ANO1: variants seen among roughly 807,000 people sequenced by gnomAD.
The protein encoded by ANO1 is anoctamin 1.
ANO1 carries 59 observed loss-of-function variants against 124.0 expected under a neutral mutation model. That is an observed-to-expected ratio of 0.48 (90% confidence interval 0.39 to 0.59). The LOEUF is 0.59. Ranked by LOEUF, ANO1 falls within the 20% of genes least tolerant of loss-of-function variation. The pLI, the probability that ANO1 is intolerant of heterozygous loss-of-function variation, is 0.00. For missense variants in ANO1, 1,059 were observed against 1,328.0 expected (o/e 0.80, Z 3.15); for synonymous variants, 529 against 532.0 (o/e 0.99, Z 0.08).
Position 70,182,502 on chromosome 11 carries a change from G to GC in ANO1, c.2406dup (p.Phe803LeufsTer8). On this transcript the variant is annotated frameshift_variant and splice_region_variant, in exon 24 of 26. Transcript: ENST00000355303. LOFTEE classifies it high-confidence loss of function. ...CCTCACTGCCATGTCCCCTGCACAG[G>GC]CCTTCGTGATCTCCTTCACGTCTGA... 6.4e-7 allele frequency: 1 copy of GC among 1,572,972 alleles called. No homozygotes were observed. Among genetic ancestry groups the GC allele is most frequent in the South Asian group, 1.2e-5 (1 of 83,960 alleles).
chr11:70,180,375 C>T (rs1462293539), intron 23 of ANO1, among the ~76,000 whole-genome samples: 8 of 152,124 alleles, frequency 5.3e-5, no homozygotes, highest in African/African-American at 1.9e-4. Flanking sequence ...CAGGTTCAAG[C>T]TATTCTCGTG....
At chr11:70,001,485 C>T (rs1246831865) in intron 1 of ANO1, among the ~76,000 whole-genome samples, 3 of 152,150 alleles carry the variant, frequency 2.0e-5, no homozygotes, top group Non-Finnish European at 4.4e-5. Context: ...CCATGCTGCC[C>T]TCTACAGCAA....
intron 1 of ANO1, among the ~76,000 whole-genome samples, chr11:70,046,603 G>A (rs565822088): frequency 3.9e-4 from 60 of 152,130 alleles, no homozygotes; most frequent in East Asian, 9.6e-4. Flanking sequence ...GTCCCAGGGC[G>A]AGAAAGGACT....
chr11:70,160,169 C>G (rs2047988011), intron 16 of ANO1, among the ~76,000 whole-genome samples: 2 of 152,274 alleles, frequency 1.3e-5, no homozygotes, highest in Non-Finnish European at 2.9e-5. Context: ...CCTCTGCACC[C>G]TTGCATGGGA....
intron 1 of ANO1, among the ~76,000 whole-genome samples, chr11:70,040,339 C>T (rs1857164065): frequency 6.6e-6 from 1 of 152,142 alleles, no homozygotes; most frequent in South Asian, 2.1e-4. Flanking sequence ...ACTTTTTAGA[C>T]AGGTTGAGAG....
chr11:70,111,588 G>A, intron 6 of ANO1, 119 bp from the exon 7 acceptor site: 3 of 948,556 alleles, frequency 3.2e-6, no homozygotes, highest in Non-Finnish European at 5.1e-6. Context: ...GCGTAGTCAG[G>A]TTCGTTTCAT....
intron 1 of ANO1, among the ~76,000 whole-genome samples, chr11:70,055,102 T>C (rs569176000): frequency 3.3e-4 from 50 of 152,326 alleles, no homozygotes; most frequent in African/African-American, 1.2e-3. Flanking sequence ...TTGTTTCTGT[T>C]GTTATCAGAG....
chr11:70,131,854 G>C, intron 10 of ANO1, 65 bp from the exon 11 acceptor site: 1 of 1,535,992 alleles, frequency 6.5e-7, no homozygotes, highest in South Asian at 1.2e-5. Flanking sequence ...AGGCCAGCTC[G>C]GCACCCAGGA....
At chr11:70,127,939 C>T (rs1158680766) in intron 10 of ANO1, among the ~76,000 whole-genome samples, 1 of 152,226 alleles carries the variant, frequency 6.6e-6, no homozygotes, top group East Asian at 1.9e-4. Flanking sequence ...CTCCAAGTCT[C>T]AGAAAAGCCC....
chr11:69,991,436 G>A (rs1856152710), intron 1 of ANO1, among the ~76,000 whole-genome samples: 1 of 152,200 alleles, frequency 6.6e-6, no homozygotes, highest in African/African-American at 2.4e-5. Context: ...GGGTAGGAAT[G>A]ACCCATCTAG....
chr11:69,976,551 A>AGG, the ANO1 span, among the ~76,000 whole-genome samples: 1 of 82,386 alleles, frequency 1.2e-5, no homozygotes, highest in East Asian at 4.1e-4. Flanking sequence ...AAAAAAAAAA[A>AGG]AAAGAGAGAG....
chr11:70,015,522 A>C (rs1361605932), intron 1 of ANO1, among the ~76,000 whole-genome samples: 1 of 152,070 alleles, frequency 6.6e-6, no homozygotes, highest in Non-Finnish European at 1.5e-5. Context: ...CCTGTTCTTG[A>C]TGTGTCTGAG....
At chr11:70,073,504 T>C (rs1325129189), upstream of ANO1, among the ~76,000 whole-genome samples, 2 of 152,002 alleles carry the variant, frequency 1.3e-5, no homozygotes, top group African/African-American at 4.8e-5. Context: ...TAAACATAAA[T>C]GGGGAACATC....
At chr11:70,006,971 A>G (rs567462760) in intron 1 of ANO1, among the ~76,000 whole-genome samples, 119 of 151,994 alleles carry the variant, frequency 7.8e-4, no homozygotes, top group African/African-American at 2.8e-3. Flanking sequence ...CACCCGGCCC[A>G]TTTTAATCAT....
At chr11:69,984,893 C>G (rs1189955596), upstream of ANO1, among the ~76,000 whole-genome samples, 2 of 152,208 alleles carry the variant, frequency 1.3e-5, no homozygotes, top group African/African-American at 4.8e-5. Flanking sequence ...CCTGTGGTCA[C>G]GGAGCCACTT....
chr11:70,117,096 CTTTCTTT>C lies in ANO1; in HGVS notation c.897+601_897+607del, dbSNP rs1213625628. Among the ~76,000 whole-genome samples the C allele has an allele frequency of 5.9e-4, 45 of 75,942 alleles. 1 individual carries two copies. Among genetic ancestry groups the C allele is most frequent in the African/African-American group, 2.1e-3 (43 of 20,946 alleles). 49.8% of individuals were successfully genotyped at this position (75,942 alleles called of 152,430 possible). ...CCCCTTTATTCTTTTTTCTTTGTTTCTTTCTTTTTTTTTTTTTTTTTTTTTTGAGTTG... is the reference window on the plus strand; with the variant it reads ...CCCCTTTATTCTTTTTTCTTTGTTTCTTTTTTTTTTTTTTTTTTTGAGTTG... On this transcript the variant is annotated intron_variant, in intron 8 of 25. Transcript: ENST00000355303.
the ANO1 span, among the ~76,000 whole-genome samples, chr11:69,975,838 C>T: frequency 3.9e-5 from 6 of 152,312 alleles, no homozygotes; most frequent in East Asian, 5.8e-4. Flanking sequence ...GGTAGGAGCA[C>T]GGCAGTTGAA....
chr11:70,034,727 C>T (rs1280916342), intron 1 of ANO1, among the ~76,000 whole-genome samples: 1 of 152,114 alleles, frequency 6.6e-6, no homozygotes, highest in Non-Finnish European at 1.5e-5. Context: ...AGCTAAGGCA[C>T]TCTTCCCAAA....
chr11:69,982,550 A>G (rs1855968429), upstream of ANO1, among the ~76,000 whole-genome samples: 2 of 152,240 alleles, frequency 1.3e-5, no homozygotes, highest in South Asian at 2.1e-4. Context: ...TCCCTACAGC[A>G]TGTCAGGTTT....
Sources: allele counts gnomAD v4.1 joint callset (sites outside exome capture counted in the v4.1 genomes callset), GRCh38; gene constraint gnomAD v4.1.1; transcripts MANE v1.5; gene names NCBI Gene and HGNC (gene_info 2026-07-23, HGNC 2026-07-21).